ADK: variants seen among roughly 807,000 people sequenced by gnomAD.
ADK encodes the protein N6,N6-dimethyladenosine kinase.
Under a neutral mutation model 44.7 loss-of-function variants are expected in ADK, and 24 were observed. The observed-to-expected ratio is 0.54, with a 90% CI of 0.39 to 0.76. The LOEUF (loss-of-function observed/expected upper bound fraction) is 0.76. ADK is among the 30% of genes least tolerant of loss of function. The pLI, the probability that ADK is intolerant of heterozygous loss-of-function variation, is 0.00. For missense variants in ADK, 321 were observed against 425.1 expected (o/e 0.76, Z 2.15); for synonymous variants, 128 against 142.6 (o/e 0.90, Z 0.73).
chr10:74,426,386 A>G (rs1227238023), intron 6 of ADK, among the ~76,000 whole-genome samples: 1 of 152,230 alleles, frequency 6.6e-6, no homozygotes, highest in Non-Finnish European at 1.5e-5. Flanking sequence ...AGATTGGTTG[A>G]ATATACTCTG....
chr10:74,287,047 G>A (rs1450066522), intron 3 of ADK, among the ~76,000 whole-genome samples: 6 of 152,130 alleles, frequency 3.9e-5, no homozygotes, highest in African/African-American at 1.4e-4. Context: ...CCTGCTTATG[G>A]TGACACAAGT....
chr10:74,484,722 C>G (rs1025581417), intron 6 of ADK, among the ~76,000 whole-genome samples: 1 of 152,154 alleles, frequency 6.6e-6, no homozygotes, highest in East Asian at 1.9e-4. Flanking sequence ...TAGCAGTTCG[C>G]TATTAGGACA....
At chr10:74,563,172 C>T (rs1354063100) in intron 7 of ADK, among the ~76,000 whole-genome samples, 1 of 152,164 alleles carries the variant, frequency 6.6e-6, no homozygotes, top group Non-Finnish European at 1.5e-5. Context: ...AAGAGGTCCT[C>T]CTGCCTCAGC....
intron 3 of ADK, among the ~76,000 whole-genome samples, chr10:74,235,840 T>C (rs969522859): frequency 2.6e-5 from 4 of 152,222 alleles, no homozygotes; most frequent in African/African-American, 9.6e-5. Flanking sequence ...GGGCTCTACC[T>C]TCATGAGTGC....
chr10:74,620,746 A>C (rs1048837198), intron 9 of ADK, among the ~76,000 whole-genome samples: 2 of 151,932 alleles, frequency 1.3e-5, no homozygotes, highest in African/African-American at 2.4e-5. Context: ...TACTGGAGTG[A>C]GATGATACCT....
chr10:74,376,751 A>G (rs1312938877), intron 4 of ADK, among the ~76,000 whole-genome samples: 2 of 143,542 alleles, frequency 1.4e-5, no homozygotes, highest in Non-Finnish European at 3.1e-5. Context: ...TGTGTCTTTT[A>G]TTATTACTGC....
At chr10:74,308,649 G>A (rs959378205) in intron 3 of ADK, among the ~76,000 whole-genome samples, 1 of 152,028 alleles carries the variant, frequency 6.6e-6, no homozygotes, top group Admixed American at 6.6e-5. Flanking sequence ...AATTCTACTT[G>A]GCAGTTATGA....
intron 4 of ADK, among the ~76,000 whole-genome samples, chr10:74,374,039 CAT>C (rs1195524016): frequency 1.3e-5 from 2 of 152,104 alleles, no homozygotes; most frequent in Non-Finnish European, 2.9e-5. Context: ...TAAAAGTACA[CAT>C]GTTTTATGAT....
intron 6 of ADK, among the ~76,000 whole-genome samples, chr10:74,501,830 G>A (rs541687310): frequency 1.3e-5 from 2 of 152,120 alleles, no homozygotes; most frequent in Non-Finnish European, 1.5e-5. Context: ...CAGATTGGTA[G>A]TTGCCAGGGA....
intron 6 of ADK, among the ~76,000 whole-genome samples, chr10:74,476,007 A>G (rs1319313639): frequency 2.0e-5 from 3 of 152,104 alleles, no homozygotes; most frequent in Admixed American, 1.3e-4. Flanking sequence ...CCTGTTACCT[A>G]TGTGTGTTTA....
intron 2 of ADK, among the ~76,000 whole-genome samples, chr10:74,220,599 A>G (rs2132229158): frequency 6.6e-6 from 1 of 152,346 alleles, no homozygotes; most frequent in Admixed American, 6.5e-5. Flanking sequence ...ACCCTTGATG[A>G]ACATTAATGC....
At chr10:74,217,392 A>G (rs991534362) in intron 2 of ADK, among the ~76,000 whole-genome samples, 6 of 152,254 alleles carry the variant, frequency 3.9e-5, no homozygotes, top group Non-Finnish European at 8.8e-5. Flanking sequence ...GGAGCCCACC[A>G]CAGCTCAAGG....
intron 7 of ADK, among the ~76,000 whole-genome samples, chr10:74,584,145 A>G (rs980311092): frequency 6.6e-6 from 1 of 152,210 alleles, no homozygotes; most frequent in African/African-American, 2.4e-5. Context: ...ATTGAAAACC[A>G]TTTTGAAGAC....
At chr10:74,593,132 C>T (rs899887259) in intron 8 of ADK, among the ~76,000 whole-genome samples, 1 of 152,142 alleles carries the variant, frequency 6.6e-6, no homozygotes, top group Admixed American at 6.5e-5. Context: ...TGAATGATCA[C>T]TCAGAGTTTC....
intron 3 of ADK, among the ~76,000 whole-genome samples, chr10:74,306,373 G>A (rs927769804): frequency 6.6e-6 from 1 of 151,886 alleles, no homozygotes; most frequent in Non-Finnish European, 1.5e-5. Context: ...GTAGTTTGTG[G>A]TTCCCTGGAG....
At chr10:74,564,753 C>T (rs528991963) in intron 7 of ADK, among the ~76,000 whole-genome samples, 24 of 151,876 alleles carry the variant, frequency 1.6e-4, no homozygotes, top group African/African-American at 5.8e-4. Flanking sequence ...AATTTTAAAT[C>T]CCTTTCCTGG....
intron 4 of ADK, among the ~76,000 whole-genome samples, chr10:74,373,746 CA>C (rs972557492): frequency 1.3e-5 from 2 of 152,140 alleles, no homozygotes; most frequent in African/African-American, 4.8e-5. Flanking sequence ...AAGAGTCTTG[CA>C]ATTCCTTAAA....
intron 8 of ADK, among the ~76,000 whole-genome samples, chr10:74,594,674 A>AG (rs1364087350): frequency 4.1e-5 from 6 of 147,462 alleles, no homozygotes; most frequent in African/African-American, 1.0e-4. Flanking sequence ...AAATAGGTAA[A>AG]AAAAAAAAAA....
At chr10:74,584,610 G>T (rs769174015) in intron 7 of ADK, among the ~76,000 whole-genome samples, 3 of 151,712 alleles carry the variant, frequency 2.0e-5, no homozygotes, top group Non-Finnish European at 2.9e-5. Context: ...ACACCCCCCT[G>T]TCTTAATCTC....
Sources: allele counts gnomAD v4.1 joint callset (sites outside exome capture counted in the v4.1 genomes callset), GRCh38; gene constraint gnomAD v4.1.1; transcripts MANE v1.5; gene names NCBI Gene and HGNC (gene_info 2026-07-23, HGNC 2026-07-21).